PANX2: variants seen among roughly 807,000 people sequenced by gnomAD.
PANX2 encodes the protein pannexin 2.
PANX2 carries 30 observed loss-of-function variants against 38.7 expected under a neutral mutation model. The observed-to-expected ratio is 0.78, with a 90% CI of 0.58 to 1.05. The LOEUF (loss-of-function observed/expected upper bound fraction) is 1.05, where lower values mean the gene tolerates loss of function less well. Among genes scored for constraint, PANX2 ranks in the 50% least tolerant of loss-of-function variants. The pLI is 0.00. For missense variants in PANX2, 880 were observed against 979.3 expected (o/e 0.90, Z 1.35); for synonymous variants, 539 against 472.1 (o/e 1.14, Z -1.84).
Position 50,178,011 on chromosome 22 carries a change from C to G in PANX2, c.1299C>G (p.Ile433Met). 6.5e-7 allele frequency: 1 copy of G among 1,545,048 alleles called. No individual in the cohort carries two copies. The highest frequency in any genetic ancestry group is 1.2e-5 in the South Asian group (1 of 84,366). Residue 433 changes from isoleucine to methionine, a missense_variant, in exon 2 of 3, where the codon ATC (isoleucine) becomes ATG (methionine). This residue lies in a region of PANX2 where 445 missense variants were observed against 404.3 expected (regional missense o/e 1.10). Transcript: ENST00000395842. ...GGCCGCGCAAGAAGATGAAGTGGATCCCCACCAGCAACCCGCTTCCGCAGC... is the reference window on the plus strand; with the variant it reads ...GGCCGCGCAAGAAGATGAAGTGGATGCCCACCAGCAACCCGCTTCCGCAGC... ...VKRPRKKMKW[I>M]PTSNPLPQPF...
At position 50,179,097 on chromosome 22, in the gene PANX2, C is replaced by A. The variant is rs770397542; in HGVS notation, c.1854C>A (p.Ser618Arg). Reference sequence around the variant, plus strand: ...AGGCGGAGCCCCTCACCATCCTGAGCCGAAACGCCACACACCCGCTGCTGC... The same window carrying A: ...AGGCGGAGCCCCTCACCATCCTGAGACGAAACGCCACACACCCGCTGCTGC... The part of the protein sequence containing the change: ...LGKAEPLTIL[S>R]RNATHPLLHI... The change falls in exon 3 of 3, where the codon AGC becomes AGA. Residue 618 changes from serine to arginine, a missense_variant. This residue lies in a region of PANX2 where 445 missense variants were observed against 404.3 expected (regional missense o/e 1.10). Transcript: ENST00000395842. 6.2e-7 allele frequency: 1 copy of A among 1,611,778 alleles called. No individual in the cohort carries two copies. The highest frequency in any genetic ancestry group is 8.5e-7 in the Non-Finnish European group (1 of 1,179,384).
intron 1 of PANX2, among the ~76,000 whole-genome samples, chr22:50,174,216 G>C (rs894190295): frequency 2.4e-4 from 36 of 152,208 alleles, no homozygotes; most frequent in Admixed American, 2.4e-3. Flanking sequence ...GAGGACAGGG[G>C]TGGAAAGGGC....
intron 1 of PANX2, among the ~76,000 whole-genome samples, chr22:50,171,431 G>A (rs1423983509): frequency 6.6e-6 from 1 of 152,196 alleles, no homozygotes; most frequent in Non-Finnish European, 1.5e-5. Context: ...GTCTCTGAGA[G>A]GCCCAGGCCC....
In PANX2 at chr22:50,179,464, C is replaced by G. The variant is rs1047178539; in HGVS notation, c.*187C>G. ...TGCTCGACAGGGGAACCCGCCCGGACGGCATCGCCAGGCACTGGCTGGGGT... is the reference window on the plus strand; with the variant it reads ...TGCTCGACAGGGGAACCCGCCCGGAGGGCATCGCCAGGCACTGGCTGGGGT... On this transcript the variant is annotated 3_prime_UTR_variant, in exon 3 of 3. Transcript: ENST00000395842. The G allele has an allele frequency of 3.1e-5, 18 of 588,674 alleles. No individual in the cohort carries two copies. The highest frequency in any genetic ancestry group is 4.1e-5 in the Non-Finnish European group (14 of 339,726). The allele number at this position is 588,674 out of a possible 1,614,324, so 36.5% of individuals were successfully genotyped here.
chr22:50,174,847 C>T (rs1178874387), intron 1 of PANX2, among the ~76,000 whole-genome samples: 6 of 152,236 alleles, frequency 3.9e-5, no homozygotes, highest in Non-Finnish European at 8.8e-5. Flanking sequence ...CTGGCAGCCC[C>T]TGCTAGAAGC....
Position 50,177,659 on chromosome 22 carries a change from G to A in PANX2, c.947G>A (p.Arg316His). Residue 316 changes from arginine to histidine, a missense_variant, in exon 2 of 3, where the codon CGC (arginine) becomes CAC (histidine). Arg to His is a conservative substitution (Grantham distance 29). Around this residue, in one of 4 missense-constraint regions of PANX2, gnomAD observed 78 missense variants for 133.1 expected, o/e 0.59. Coordinates refer to ENST00000395842, the MANE Select transcript of PANX2 (RefSeq NM_052839.4). ...LVNLIHLFIF[R>H]KSNFIFDKLH... ...AACCTCATCCACCTCTTCATCTTCC[G>A]CAAGAGCAACTTCATCTTCGACAAG... 2 of 1,612,498 alleles carry A rather than the reference G, an allele frequency of 1.2e-6. No homozygotes were observed. Among genetic ancestry groups the A allele is most frequent in the Non-Finnish European group, 1.7e-6 (2 of 1,180,002 alleles).
chr22:50,178,129 A>G lies in PANX2; in HGVS notation c.1417A>G (p.Ile473Val). 1 of 1,534,978 alleles carries G rather than the reference A, an allele frequency of 6.5e-7. No individual in the cohort carries two copies. Among genetic ancestry groups the G allele is most frequent in the African/African-American group, 1.4e-5 (1 of 72,212 alleles). Residue 473 changes from isoleucine (I) to valine (V), a missense_variant, in exon 2 of 3, where the codon ATC (isoleucine) becomes GTC (valine). Around this residue, in one of 4 missense-constraint regions of PANX2, gnomAD observed 445 missense variants for 404.3 expected, o/e 1.10. Transcript: ENST00000395842. ...CAGGAAGACGGCCACGGACACGCTGATCGCGCCGCTGCTGGACCGCTCCGC... is the reference window on the plus strand; with the variant it reads ...CAGGAAGACGGCCACGGACACGCTGGTCGCGCCGCTGCTGGACCGCTCCGC... ...ARRKTATDTLIAPLLDRSAHH... is the reference protein window; with the variant it reads ...ARRKTATDTLVAPLLDRSAHH...
rs771352183 is a variant in PANX2 at position 50,179,162 on chromosome 22, G to A, written c.1919G>A (p.Gly640Glu). Residue 640 changes from glycine to glutamate, a missense_variant, in exon 3 of 3, where the codon GGG (glycine) becomes GAG (glutamate). Gly to Glu is a moderately conservative substitution (Grantham distance 98). Coordinates refer to ENST00000395842, the MANE Select transcript of PANX2 (RefSeq NM_052839.4). The part of the protein sequence containing the change: ...TLYEAREEED[G>E]GPRLPQDVGD... ...TACGAGGCCCGGGAGGAGGAGGACG[G>A]GGGCCCCCGCCTGCCGCAGGACGTG... is the stretch of plus-strand genomic sequence containing the variant. 1.2e-6 allele frequency: 2 copies of A among 1,612,038 alleles called. No homozygotes were observed. The highest frequency in any genetic ancestry group is 1.7e-6 in the Non-Finnish European group (2 of 1,179,798).
rs1236338680 is a variant in PANX2 at position 50,178,991 on chromosome 22, T to G, written c.1748T>G (p.Leu583Arg). Residue 583 changes from leucine to arginine, a missense_variant, in exon 3 of 3, where the codon CTT becomes CGT. Physicochemically the swap from Leu to Arg is moderately radical, Grantham distance 102. This residue lies in a region of PANX2 where 445 missense variants were observed against 404.3 expected (regional missense o/e 1.10). Transcript: ENST00000395842. ...CCCACAGAGCCAGCCCGGGCAGGGC[T>G]TCCCTCGGGGGGCCCGTTCCACGTC... ...PYPTEPARAG[L>R]PSGGPFHVRS... 6.2e-7 allele frequency: 1 copy of G among 1,607,906 alleles called. No homozygotes were observed. The highest frequency in any genetic ancestry group is 8.5e-7 in the Non-Finnish European group (1 of 1,177,110).
Position 50,170,770 on chromosome 22 carries a change from G to C in PANX2, c.40G>C (p.Ala14Pro). 7.4e-7 allele frequency: 1 copy of C among 1,357,892 alleles called. No homozygotes were observed. Among genetic ancestry groups the C allele is most frequent in the Non-Finnish European group, 9.6e-7 (1 of 1,043,072 alleles). 84.1% of individuals were successfully genotyped at this position (1,357,892 alleles called of 1,614,324 possible). A position where few individuals can be genotyped will look rare whatever the true frequency, so the allele number is the denominator to read the frequency against. ...LLEQSADMAT[A>P]LLAGEKLREL... is the part of the protein sequence containing the mutation. ...GGAGCAGTCGGCGGACATGGCGACC[G>C]CGCTGCTGGCGGGAGAGAAGCTGCG... Residue 14 changes from alanine to proline, a missense_variant, in exon 1 of 3, where the codon GCG becomes CCG. Ala to Pro is a conservative substitution (Grantham distance 27). Around this residue, in one of 4 missense-constraint regions of PANX2, gnomAD observed 243 missense variants for 333.1 expected, o/e 0.73. Transcript: ENST00000395842.
intron 1 of PANX2, among the ~76,000 whole-genome samples, chr22:50,173,423 C>T (rs2063645401): frequency 6.6e-6 from 1 of 152,242 alleles, no homozygotes; most frequent in Non-Finnish European, 1.5e-5. Context: ...TTTTTGGCTT[C>T]ATCATCCTTG....
Position 50,179,357 on chromosome 22 carries a change from C to G in PANX2, c.*80C>G. The G allele has an allele frequency of 7.7e-7, 1 of 1,297,888 alleles. No homozygotes were observed. Among genetic ancestry groups the G allele is most frequent in the Non-Finnish European group, 1.1e-6 (1 of 921,638 alleles). 80.4% of individuals were successfully genotyped at this position (1,297,888 alleles called of 1,614,324 possible). On this transcript the variant is annotated 3_prime_UTR_variant, in exon 3 of 3. Transcript: ENST00000395842. ...GCCAGCCTCCCGGTGGACACCAGCC[C>G]TGCGTGGACGTGGCCTGTGCTTCGC...
Position 50,177,508 on chromosome 22 carries a change from G to T in PANX2, c.796G>T (p.Asp266Tyr). ...EFTCALGASP[D>Y]GAAGAGPAVR... Reference sequence around the variant, plus strand: ...CACCTGCGCGCTGGGCGCGTCCCCGGACGGGGCGGCAGGTGCGGGGCCCGC... The same window carrying T: ...CACCTGCGCGCTGGGCGCGTCCCCGTACGGGGCGGCAGGTGCGGGGCCCGC... Residue 266 changes from aspartate (D) to tyrosine (Y), a missense_variant, in exon 2 of 3, where the codon GAC (aspartate) becomes TAC (tyrosine). Physicochemically the swap from Asp to Tyr is radical, Grantham distance 160. This residue lies in a region of PANX2 where 114 missense variants were observed against 108.8 expected (regional missense o/e 1.05). Coordinates refer to ENST00000395842, the MANE Select transcript of PANX2 (RefSeq NM_052839.4). 1 of 1,609,746 alleles carries T rather than the reference G, an allele frequency of 6.2e-7. No homozygotes were observed. Among genetic ancestry groups the T allele is most frequent in the Non-Finnish European group, 8.5e-7 (1 of 1,178,392 alleles).
rs569292020 is a variant in PANX2, at chr22:50,180,088, G to A, written c.*811G>A. The A allele has an allele frequency of 6.6e-6, 1 of 152,272 alleles. No individual in the cohort carries two copies. Among genetic ancestry groups the A allele is most frequent in the Non-Finnish European group, 1.5e-5 (1 of 68,064 alleles). 9.4% of individuals were successfully genotyped at this position (152,272 alleles called of 1,614,324 possible). A position where few individuals can be genotyped will look rare whatever the true frequency, so the allele number is the denominator to read the frequency against. On this transcript the variant is annotated 3_prime_UTR_variant, in exon 3 of 3. Transcript: ENST00000395842. ...GTGCGTGAGTGCACGCCAGCGCGTG[G>A]CCCATGTATGAGGAGTGAAGGGGCC... is the stretch of plus-strand genomic sequence containing the variant.
rs1441472662 is a variant in PANX2 at position 50,177,976 on chromosome 22, G to A, written c.1264G>A (p.Val422Met). ...GCCCGACGGCGCCGCCGAGCCGCCC[G>A]TGGTCAAGCGGCCGCGCAAGAAGAT... ...AEPDGAAEPP[V>M]VKRPRKKMKW... The change falls in exon 2 of 3, where the codon GTG becomes ATG. Residue 422 changes from valine (V) to methionine (M), a missense_variant. Physicochemically the swap from Val to Met is conservative, Grantham distance 21. Around this residue, in one of 4 missense-constraint regions of PANX2, gnomAD observed 445 missense variants for 404.3 expected, o/e 1.10. Transcript: ENST00000395842. 6 of 1,535,650 alleles carry A rather than the reference G, an allele frequency of 3.9e-6. No homozygotes were observed. Among genetic ancestry groups the A allele is most frequent in the Admixed American group, 4.0e-5 (2 of 50,462 alleles).
Position 50,179,024 on chromosome 22 carries a change from C to T in PANX2, c.1781C>T (p.Pro594Leu). ...GGGGGCCCGTTCCACGTCCGCTCAC[C>T]TCCCGCCGCCCCTGCTGTGGCCCCT... ...PSGGPFHVRS[P>L]PAAPAVAPLT... The change falls in exon 3 of 3, where the codon CCT (proline) becomes CTT (leucine). Residue 594 changes from proline to leucine, a missense_variant. By Grantham distance (98) the Pro-to-Leu change is moderately conservative (BLOSUM62 -3). Transcript: ENST00000395842. 6.2e-7 allele frequency: 1 copy of T among 1,610,592 alleles called. No homozygotes were observed.
At position 50,178,197 on chromosome 22, in the gene PANX2, C is replaced by CCCCCCCA; in HGVS notation, c.1485_1486insCCCCCCA (p.Ala496ProfsTer13). On this transcript the variant is annotated frameshift_variant, in exon 2 of 3. Coordinates refer to ENST00000395842, the MANE Select transcript of PANX2 (RefSeq NM_052839.4). LOFTEE classifies it high-confidence loss of function. ...GAGGGGGCGACCCGGGCCCCGGCCC[C>CCCCCCCA]GCCCCTGCCCCCGCCCCGCCGCCCG... 7 of 1,457,074 alleles carry CCCCCCCA rather than the reference C, an allele frequency of 4.8e-6. No individual in the cohort carries two copies. The highest frequency in any genetic ancestry group is 5.4e-6 in the Non-Finnish European group (6 of 1,115,266). The allele number at this position is 1,457,074 out of a possible 1,614,324, so 90.3% of individuals were successfully genotyped here.
chr22:50,172,494 C>T (rs985375489), intron 1 of PANX2, among the ~76,000 whole-genome samples: 5 of 152,080 alleles, frequency 3.3e-5, no homozygotes, highest in Non-Finnish European at 5.9e-5. Flanking sequence ...TGCGGTGGTG[C>T]GATCTGCAAC....
In PANX2 at chr22:50,178,098, C is replaced by T. The variant is rs538347741; in HGVS notation, c.1386C>T (p.Pro462=). 1.3e-6 allele frequency: 2 copies of T among 1,548,710 alleles called. No individual in the cohort carries two copies. The highest frequency in any genetic ancestry group is 1.7e-6 in the Non-Finnish European group (2 of 1,156,066). ...VENSKAEKPK[P]ARRKTATDTL... is the part of the protein sequence containing the mutation. ...ACAGCAAGGCGGAGAAGCCGAAGCC[C>T]GCGCGCAGGAAGACGGCCACGGACA... Residue 462 remains proline (P), a synonymous_variant, in exon 2 of 3, where the codon CCC becomes CCT. Coordinates refer to ENST00000395842, the MANE Select transcript of PANX2 (RefSeq NM_052839.4).
Sources: allele counts gnomAD v4.1 joint callset (sites outside exome capture counted in the v4.1 genomes callset), GRCh38; gene constraint gnomAD v4.1.1; regional missense constraint gnomAD v4.1.1; transcripts MANE v1.5; gene names NCBI Gene and HGNC (gene_info 2026-07-23, HGNC 2026-07-21).